Variants in FAT1 observed in about 807,000 individuals in gnomAD.
FAT1 encodes FAT atypical cadherin 1, also known as protocadherin Fat 1.
In FAT1, 171 loss-of-function variants were observed where a neutral mutation model predicts 329.8. The ratio of observed to expected loss-of-function variants is 0.52; its 90% CI spans 0.46 to 0.59. FAT1 has a LOEUF of 0.59. Ranked by LOEUF, FAT1 falls within the 20% of genes least tolerant of loss-of-function variation. The pLI is 0.00. For synonymous variants in FAT1, 2,233 were observed against 2,228.6 expected, an observed-to-expected ratio of 1.00 and a Z score of -0.06; for missense variants, 5,672 against 5,774.4, an observed-to-expected ratio of 0.98 and a Z score of 0.57.
In FAT1 at chr4:186,619,531, T is replaced by A. The variant is rs1372071821; in HGVS notation, c.7055A>T (p.Gln2352Leu). The A allele has an allele frequency of 6.2e-7, 1 of 1,614,020 alleles. No individual in the cohort carries two copies. Among genetic ancestry groups the A allele is most frequent in the Non-Finnish European group, 8.5e-7 (1 of 1,179,896 alleles). The change falls in exon 10 of 27, where the codon CAG (glutamine) becomes CTG (leucine). Residue 2352 changes from glutamine (Q) to leucine (L), a missense_variant. By Grantham distance (113) the Gln-to-Leu change is moderately radical. Coordinates refer to ENST00000441802, the MANE Select transcript of FAT1 (RefSeq NM_005245.4). ...ISLLRTLDYE[Q>L]SRQHTIFVRA... is the part of the protein sequence containing the mutation. ...CACAAAAATCGTGTGCTGCCGGGAC[T>A]GCTCGTAATCCAGGGTTCTGAGTAG...
At chr4:186,671,679 CAA>C (rs1742735604) in intron 2 of FAT1, among the ~76,000 whole-genome samples, 1 of 150,054 alleles carries the variant, frequency 6.7e-6, no homozygotes, top group Non-Finnish European at 1.5e-5. Flanking sequence ...GCCTGGGCAA[CAA>C]GAGCGAAACT....
Position 186,632,611 on chromosome 4 carries a change from T to C in FAT1, c.4323+1073A>G, listed in dbSNP as rs937687508. Among the ~76,000 whole-genome samples the C allele has an allele frequency of 3.7e-4, 56 of 152,166 alleles. 1 individual carries two copies. The highest frequency in any genetic ancestry group is 2.8e-4 in the Non-Finnish European group (19 of 68,028). ...AAAATGACCCCAAAAGCATATAACATACATGTATCAATTTTATATACACTA... is the reference window on the plus strand; with the variant it reads ...AAAATGACCCCAAAAGCATATAACACACATGTATCAATTTTATATACACTA... On this transcript the variant is annotated intron_variant, in intron 7 of 26. Coordinates refer to ENST00000441802, the MANE Select transcript of FAT1 (RefSeq NM_005245.4).
At chr4:186,610,068 C>A (rs1336191612) in intron 14 of FAT1, 53 bp from the exon 15 acceptor site, 2 of 1,106,224 alleles carry the variant, frequency 1.8e-6, no homozygotes, top group Non-Finnish European at 2.7e-6. Flanking sequence ...CCACATTTTC[C>A]CACTATGACT....
intron 2 of FAT1, among the ~76,000 whole-genome samples, chr4:186,672,165 G>T (rs1392125197): frequency 2.0e-5 from 3 of 152,046 alleles, no homozygotes; most frequent in Non-Finnish European, 4.4e-5. Context: ...ACAAGTTCTA[G>T]TACTTTTAAA....
chr4:186,721,815 C>T (rs1001408839), intron 1 of FAT1, among the ~76,000 whole-genome samples: 37 of 152,334 alleles, frequency 2.4e-4, no homozygotes, highest in Middle Eastern at 3.4e-3. Context: ...GGAATGAAAA[C>T]AGAATTAGTT....
rs1739445189 is a variant in FAT1 at position 186,611,547 on chromosome 4, T to C, written c.9692A>G (p.Glu3231Gly). The C allele has an allele frequency of 5.6e-6, 9 of 1,613,818 alleles. No homozygotes were observed. The highest frequency in any genetic ancestry group is 7.6e-6 in the Non-Finnish European group (9 of 1,179,886). The change falls in exon 14 of 27, where the codon GAG becomes GGG. Residue 3231 changes from glutamate (E) to glycine (G), a missense_variant. By Grantham distance (98) the Glu-to-Gly change is moderately conservative (BLOSUM62 -2). Coordinates refer to ENST00000441802, the MANE Select transcript of FAT1 (RefSeq NM_005245.4). The part of the protein sequence containing the change: ...LDINDNPPVF[E>G]YREYGATVSE... The stretch of plus-strand genomic sequence containing the variant: ...CACGGTGGCACCATATTCACGGTAC[T>C]CAAACACAGGGGGGTTGTCATTTAT...
chr4:186,615,336 A>G (rs1447747184), intron 11 of FAT1, among the ~76,000 whole-genome samples: 1 of 152,092 alleles, frequency 6.6e-6, no homozygotes, highest in East Asian at 1.9e-4. Flanking sequence ...GGGTTCTTCC[A>G]TCTTAAGTCT....
rs1739938103 is a variant in FAT1, at chr4:186,619,828, C to T, written c.6758G>A (p.Ser2253Asn). ...DFEAHPAYKLSIRATDSLTGA... is the reference protein window; with the variant it reads ...DFEAHPAYKLNIRATDSLTGA... The stretch of plus-strand genomic sequence containing the variant: ...CGTCAAGGAGTCAGTTGCGCGTATG[C>T]TCAGCTTATATGCCGGGTGGGCCTC... The change falls in exon 10 of 27, where the codon AGC becomes AAC. Residue 2253 changes from serine (S) to asparagine (N), a missense_variant. Coordinates refer to ENST00000441802, the MANE Select transcript of FAT1 (RefSeq NM_005245.4). 5 of 1,614,012 alleles carry T rather than the reference C, an allele frequency of 3.1e-6. No individual in the cohort carries two copies. The highest frequency in any genetic ancestry group is 4.2e-6 in the Non-Finnish European group (5 of 1,179,900).
intron 3 of FAT1, among the ~76,000 whole-genome samples, chr4:186,642,095 T>A (rs983868197): frequency 6.6e-6 from 1 of 152,194 alleles, no homozygotes; most frequent in African/African-American, 2.4e-5. Flanking sequence ...TCTATACTCC[T>A]CAAATTAATT....
intron 2 of FAT1, among the ~76,000 whole-genome samples, chr4:186,682,978 G>T (rs781625853): frequency 6.6e-6 from 1 of 152,164 alleles, no homozygotes; most frequent in Non-Finnish European, 1.5e-5. Context: ...CGTGTAAGGG[G>T]CCCTGGACTG....
intron 1 of FAT1, among the ~76,000 whole-genome samples, chr4:186,713,557 C>T (rs144673633): frequency 6.6e-6 from 1 of 152,172 alleles, no homozygotes; most frequent in African/African-American, 2.4e-5. Context: ...AAGGAAGTCA[C>T]TGCATGTAGC....
chr4:186,688,662 C>CCCA (rs1553998369), intron 2 of FAT1, among the ~76,000 whole-genome samples: 1 of 131,932 alleles, frequency 7.6e-6, no homozygotes, highest in Non-Finnish European at 1.6e-5. Context: ...CGCCCCCCCC[C>CCCA]AAAAAAACAC....
Position 186,708,585 on chromosome 4 carries a change from A to C in FAT1, c.1243T>G (p.Tyr415Asp), listed in dbSNP as rs1175426869. 8.1e-6 allele frequency: 13 copies of C among 1,613,878 alleles called. No homozygotes were observed. Among genetic ancestry groups the C allele is most frequent in the African/African-American group, 1.3e-5 (1 of 74,918 alleles). ...AAAATAGAAATGAGACCAGTGTTGT[A>C]ATTTAAACTGAATTTAGCTTTTCCA... ...TPGKAKFSLNYNTGLISILEP... is the reference protein window; with the variant it reads ...TPGKAKFSLNDNTGLISILEP... The change falls in exon 2 of 27, where the codon TAC (tyrosine) becomes GAC (aspartate). Residue 415 changes from tyrosine (Y) to aspartate (D), a missense_variant. Physicochemically the swap from Tyr to Asp is radical, Grantham distance 160. Coordinates refer to ENST00000441802, the MANE Select transcript of FAT1 (RefSeq NM_005245.4).
chr4:186,609,609 CAG>C (rs1408575444), intron 15 of FAT1, among the ~76,000 whole-genome samples, 190 bp downstream of exon 15: 1 of 152,026 alleles, frequency 6.6e-6, no homozygotes, highest in East Asian at 1.9e-4. Context: ...TTAGTAGAGA[CAG>C]GGTTAGCTTA....
At chr4:186,590,290 T>C (rs1738173342) in intron 26 of FAT1, 4 of 874,728 alleles carry the variant, frequency 4.6e-6, no homozygotes, top group East Asian at 6.2e-5. Context: ...CGACCCAGCG[T>C]AGTCAGTCAG....
chr4:186,610,066 T>C (rs2126461283), intron 14 of FAT1, 51 bp from the exon 15 acceptor site: 1 of 1,144,656 alleles, frequency 8.7e-7, no homozygotes, highest in Non-Finnish European at 1.3e-6. Flanking sequence ...CACCACATTT[T>C]CCCACTATGA....
chr4:186,644,895 A>G (rs1372738615), intron 3 of FAT1, among the ~76,000 whole-genome samples: 1 of 152,184 alleles, frequency 6.6e-6, no homozygotes, highest in African/African-American at 2.4e-5. Flanking sequence ...TCCACTCAGA[A>G]AGTGGAGATA....
At chr4:186,649,190 T>G (rs1250179906) in intron 3 of FAT1, among the ~76,000 whole-genome samples, 1 of 145,770 alleles carries the variant, frequency 6.9e-6, no homozygotes, top group Non-Finnish European at 1.5e-5. Context: ...TCCTAAAACA[T>G]CACCCAGAAT....
At chr4:186,688,912 C>A (rs906593918) in intron 2 of FAT1, among the ~76,000 whole-genome samples, 8 of 152,098 alleles carry the variant, frequency 5.3e-5, no homozygotes, top group African/African-American at 1.9e-4. Context: ...AAAATCACCC[C>A]AGCATGCAGA....
Sources: gnomAD v4.1 joint callset for allele counts (sites outside exome capture counted in the v4.1 genomes callset) on GRCh38, gnomAD v4.1.1 for gene constraint, MANE v1.5 for transcripts, NCBI Gene and HGNC (gene_info 2026-07-23, HGNC 2026-07-21) for gene names.